The following DCC variants were observed in gnomAD, a reference collection of about 807,000 sequenced individuals.
The protein encoded by DCC is DCC netrin 1 receptor.
DCC carries 58 observed loss-of-function variants against 172.5 expected under a neutral mutation model. The ratio of observed to expected loss-of-function variants is 0.34; its 90% CI spans 0.27 to 0.42. The LOEUF (loss-of-function observed/expected upper bound fraction) is 0.42. Ranked by LOEUF, DCC falls within the 10% of genes least tolerant of loss-of-function variation. The probability of loss-of-function intolerance (pLI) is 1.00; values close to 1 mark genes in which losing one functional copy is unlikely to be tolerated. For missense variants in DCC, 1,740 were observed against 1,791.0 expected, an observed-to-expected ratio of 0.97 and a Z score of 0.51; for synonymous variants, 709 against 644.5, an observed-to-expected ratio of 1.10 and a Z score of -1.52.
chr18:53,328,997 A>C (rs181693176), intron 14 of DCC, among the ~76,000 whole-genome samples: 35 of 152,336 alleles, frequency 2.3e-4, no homozygotes, highest in African/African-American at 7.7e-4. Context: ...TTTCTGTTAC[A>C]AAAGGAGAGT....
chr18:52,976,104 G>A (rs2041112916), intron 5 of DCC, among the ~76,000 whole-genome samples: 1 of 152,136 alleles, frequency 6.6e-6, no homozygotes, highest in East Asian at 1.9e-4. Flanking sequence ...TTTCTCTAAT[G>A]ATCAGTGGTG....
rs375523084 is a variant in DCC, at chr18:52,559,100, TTTTTGTTTTG to T, written c.92-192933_92-192924del. Among the ~76,000 whole-genome samples the T allele has an allele frequency of 9.8e-3, 1,495 of 152,154 alleles. 19 individuals are homozygous for T. The highest frequency in any genetic ancestry group is 0.034 in the African/African-American group (1,419 of 41,546). ...ATTTGCTTCATTATTAAGACAGGTT[TTTTTGTTTTG>T]TTTTGTTTTGTTTTGTTTTGAGACT... On this transcript the variant is annotated intron_variant, in intron 1 of 28. Coordinates refer to ENST00000442544, the MANE Select transcript of DCC (RefSeq NM_005215.4).
At chr18:52,954,827 A>G (rs1021807630) in intron 5 of DCC, among the ~76,000 whole-genome samples, 1 of 152,108 alleles carries the variant, frequency 6.6e-6, no homozygotes, top group Admixed American at 6.5e-5. Flanking sequence ...TCTAATTTCA[A>G]TTTCTCTAAG....
At chr18:53,045,000 T>A (rs1490401559) in intron 5 of DCC, among the ~76,000 whole-genome samples, 8 of 151,846 alleles carry the variant, frequency 5.3e-5, no homozygotes, top group African/African-American at 1.9e-4. Context: ...ATATAAAATG[T>A]ATATACAGAA....
At chr18:52,657,427 G>A (rs1203558396) in intron 1 of DCC, among the ~76,000 whole-genome samples, 3 of 152,152 alleles carry the variant, frequency 2.0e-5, no homozygotes, top group Non-Finnish European at 4.4e-5. Flanking sequence ...GGCCCCTTAG[G>A]AGAGGGTCAA....
chr18:53,236,246 T>G (rs1462804919), intron 12 of DCC, among the ~76,000 whole-genome samples: 1 of 152,176 alleles, frequency 6.6e-6, no homozygotes, highest in Non-Finnish European at 1.5e-5. Flanking sequence ...TGGAATTTGT[T>G]GACATCTTAA....
intron 1 of DCC, among the ~76,000 whole-genome samples, chr18:52,544,479 A>G (rs1470574736): frequency 6.6e-6 from 1 of 150,484 alleles, no homozygotes; most frequent in Non-Finnish European, 1.5e-5. Flanking sequence ...ACCACAAGAC[A>G]TTCCTTCCCT....
rs1363263555 is a variant in DCC, at chr18:52,604,022, G to A, written c.92-148032G>A. Among the ~76,000 whole-genome samples the A allele has an allele frequency of 4.1e-5, 5 of 121,976 alleles. No individual in the cohort carries two copies. The East Asian group carries it at 6.8e-4, about 17-fold the overall frequency. The allele number at this position is 121,976 out of a possible 152,430, so 80.0% of individuals were successfully genotyped here. A position where few individuals can be genotyped will look rare whatever the true frequency, so the allele number is the denominator to read the frequency against. ...CAGTAGTGCTTGGGAATGTGTGAAA[G>A]GTTATTTTTTTTTTAAGTAAAGGTG... On this transcript the variant is annotated intron_variant, in intron 1 of 28. Coordinates refer to ENST00000442544, the MANE Select transcript of DCC (RefSeq NM_005215.4).
intron 1 of DCC, among the ~76,000 whole-genome samples, chr18:52,740,377 A>G (rs12456313): frequency 0.25 from 38,121 of 152,140 alleles, 5,451 homozygotes; most frequent in South Asian, 0.36. Flanking sequence ...GCAGAAAAAT[A>G]TCACCTTTCT....
intron 12 of DCC, among the ~76,000 whole-genome samples, chr18:53,256,582 G>T (rs559366849): frequency 1.7e-4 from 26 of 152,040 alleles, no homozygotes; most frequent in Admixed American, 1.2e-3. Flanking sequence ...TCTCTGTTTT[G>T]GTACCAGTAC....
Position 53,339,938 on chromosome 18 carries a change from A to G in DCC, c.2359+31A>G, listed in dbSNP as rs371751314. ...TATCTGTGATTTTTTTTATTCTATT[A>G]AGGGGAATTAATGATTTATTTTGAA... On this transcript the variant is annotated intron_variant, in intron 15 of 28. Transcript: ENST00000442544. 3.8e-5 allele frequency: 60 copies of G among 1,565,202 alleles called. No homozygotes were observed. The African/African-American group carries it at 7.5e-4, about 19-fold the overall frequency.
chr18:52,922,954 C>T (rs984678861), intron 3 of DCC, among the ~76,000 whole-genome samples: 9 of 152,062 alleles, frequency 5.9e-5, no homozygotes, highest in African/African-American at 2.2e-4. Flanking sequence ...CTTCCTAAGT[C>T]GCATAAAGAC....
chr18:53,424,640 G>A lies in DCC; in HGVS notation c.3163+8484G>A, dbSNP rs1229049959. Among the ~76,000 whole-genome samples, 4 of 118,744 alleles carry A rather than the reference G, an allele frequency of 3.4e-5. No individual in the cohort carries two copies. The South Asian group carries it at 9.9e-4, about 29-fold the overall frequency. 77.9% of individuals were successfully genotyped at this position (118,744 alleles called of 152,430 possible). A position where few individuals can be genotyped will look rare whatever the true frequency, so the allele number is the denominator to read the frequency against. On this transcript the variant is annotated intron_variant, in intron 21 of 28. Transcript: ENST00000442544. ...ACTAGACTCAATGCAAACTATTACCGGGGGAAGAGTAGCTGATCCCTTATG... is the reference window on the plus strand; with the variant it reads ...ACTAGACTCAATGCAAACTATTACCAGGGGAAGAGTAGCTGATCCCTTATG...
At chr18:53,382,919 G>A (rs1907878936) in intron 15 of DCC, among the ~76,000 whole-genome samples, 1 of 152,026 alleles carries the variant, frequency 6.6e-6, no homozygotes, top group Non-Finnish European at 1.5e-5. Flanking sequence ...AACTCAATCA[G>A]ATCAATTTTT....
intron 14 of DCC, among the ~76,000 whole-genome samples, chr18:53,332,903 A>C (rs1377762123): frequency 6.6e-6 from 1 of 152,146 alleles, no homozygotes; most frequent in Non-Finnish European, 1.5e-5. Flanking sequence ...CATTTCTACA[A>C]AAATTTTCTT....
chr18:53,135,549 T>C (rs1294803224), intron 7 of DCC, among the ~76,000 whole-genome samples: 1 of 152,198 alleles, frequency 6.6e-6, no homozygotes, highest in African/African-American at 2.4e-5. Context: ...CTTCATCCAG[T>C]CTTCTTCCAG....
chr18:53,267,628 T>A (rs1392218841), intron 12 of DCC, among the ~76,000 whole-genome samples: 3 of 152,090 alleles, frequency 2.0e-5, no homozygotes, highest in Non-Finnish European at 4.4e-5. Flanking sequence ...CCAACTAATT[T>A]TTTTTAGTTT....
At chr18:52,982,839 G>A (rs913743932) in intron 5 of DCC, among the ~76,000 whole-genome samples, 4 of 152,092 alleles carry the variant, frequency 2.6e-5, no homozygotes, top group Non-Finnish European at 4.4e-5. Flanking sequence ...TGTAGGCATC[G>A]GAGAACCACA....
intron 1 of DCC, among the ~76,000 whole-genome samples, chr18:52,546,466 A>G (rs1253425756): frequency 1.1e-4 from 16 of 152,248 alleles, no homozygotes; most frequent in South Asian, 1.0e-3. Flanking sequence ...CCTCTCTCAG[A>G]CAACACCTAC....
Sources: gnomAD v4.1 joint callset for allele counts (sites outside exome capture counted in the v4.1 genomes callset) on GRCh38, gnomAD v4.1.1 for gene constraint, MANE v1.5 for transcripts, NCBI Gene and HGNC (gene_info 2026-07-23, HGNC 2026-07-21) for gene names.